CACNA2D1: variants seen among roughly 807,000 people sequenced by gnomAD.
CACNA2D1 encodes calcium voltage-gated channel auxiliary subunit alpha2delta 1.
Under a neutral mutation model 171.5 loss-of-function variants are expected in CACNA2D1, and 53 were observed. The observed-to-expected ratio is 0.31, with a 90% CI of 0.25 to 0.39. The LOEUF is 0.39. CACNA2D1 is among the 10% of genes least tolerant of loss of function. The pLI, the probability that CACNA2D1 is intolerant of heterozygous loss-of-function variation, is 1.00. For synonymous variants in CACNA2D1, 442 were observed against 443.1 expected (o/e 1.00, Z 0.03); for missense variants, 903 against 1,299.8 (o/e 0.69, Z 4.69).
chr7:82,214,442 G>T (rs1165297206), intron 3 of CACNA2D1, among the ~76,000 whole-genome samples: 1 of 147,450 alleles, frequency 6.8e-6, no homozygotes, highest in Non-Finnish European at 1.5e-5. Flanking sequence ...TGCGCAAGGT[G>T]GCTTTTTTTT....
At chr7:82,286,359 G>A (rs1035369067) in intron 3 of CACNA2D1, among the ~76,000 whole-genome samples, 1 of 151,980 alleles carries the variant, frequency 6.6e-6, no homozygotes, top group Non-Finnish European at 1.5e-5. Context: ...AAAAGAAACA[G>A]ATTTATAATC....
chr7:82,183,371 G>A (rs1404468654), intron 3 of CACNA2D1, among the ~76,000 whole-genome samples: 1 of 152,030 alleles, frequency 6.6e-6, no homozygotes, highest in African/African-American at 2.4e-5. Flanking sequence ...AGAAAATGCA[G>A]TACTGTCCCA....
chr7:82,080,479 A>G (rs1809611049), intron 7 of CACNA2D1, among the ~76,000 whole-genome samples: 1 of 152,200 alleles, frequency 6.6e-6, no homozygotes, highest in Non-Finnish European at 1.5e-5. Flanking sequence ...CAAATATAGA[A>G]ACTGAAAGCC....
At chr7:82,175,235 A>G (rs1304763181) in intron 3 of CACNA2D1, among the ~76,000 whole-genome samples, 9 of 151,982 alleles carry the variant, frequency 5.9e-5, no homozygotes, top group Non-Finnish European at 1.3e-4. Context: ...TAATGTTGGT[A>G]CTCTTGTTTA....
chr7:82,187,829 G>A (rs976005300), intron 3 of CACNA2D1, among the ~76,000 whole-genome samples: 1 of 152,082 alleles, frequency 6.6e-6, no homozygotes, highest in Non-Finnish European at 1.5e-5. Flanking sequence ...CTCCAGTTCT[G>A]GAGACTGGGA....
At chr7:82,391,194 A>G (rs1011211608) in intron 1 of CACNA2D1, among the ~76,000 whole-genome samples, 2 of 152,212 alleles carry the variant, frequency 1.3e-5, no homozygotes, top group African/African-American at 4.8e-5. Context: ...CAGAAAGCAC[A>G]GAGTACCAAG....
At chr7:82,361,839 A>G (rs1280064961) in intron 1 of CACNA2D1, among the ~76,000 whole-genome samples, 1 of 152,198 alleles carries the variant, frequency 6.6e-6, no homozygotes, top group Non-Finnish European at 1.5e-5. Context: ...AGTTTTAGCT[A>G]TATTCTCTCT....
Position 81,959,359 on chromosome 7 carries a change from TAA to T in CACNA2D1, c.3077-4_3077-3del, listed in dbSNP as rs773360358. 4.4e-6 allele frequency: 7 copies of T among 1,597,436 alleles called. No homozygotes were observed. Among genetic ancestry groups the T allele is most frequent in the East Asian group, 2.2e-5 (1 of 44,766 alleles). ...TGTCACAAGGATTTGGACCGTCAGC[TAA>T]AAGAGACTTGTTAAGGAATCTCATG... On this transcript the variant is annotated splice_region_variant and splice_polypyrimidine_tract_variant and intron_variant, in intron 37 of 38. Coordinates refer to ENST00000356860, the MANE Select transcript of CACNA2D1 (RefSeq NM_000722.4).
At chr7:82,172,653 G>T (rs1262115577) in intron 3 of CACNA2D1, among the ~76,000 whole-genome samples, 1 of 127,378 alleles carries the variant, frequency 7.9e-6, no homozygotes, top group Non-Finnish European at 1.6e-5. Context: ...TAAAGATGGG[G>T]TCTCAAACTC....
At chr7:82,426,860 C>A (rs993191621) in intron 1 of CACNA2D1, among the ~76,000 whole-genome samples, 1 of 152,126 alleles carries the variant, frequency 6.6e-6, no homozygotes, top group African/African-American at 2.4e-5. Context: ...GTTTCAGTTA[C>A]CCGCAGTCGA....
At position 82,034,868 on chromosome 7, in the gene CACNA2D1, A is replaced by T. The variant is rs572325001; in HGVS notation, c.1039-1967T>A. Among the ~76,000 whole-genome samples the T allele has an allele frequency of 3.9e-4, 59 of 152,188 alleles. No homozygotes were observed. In the Middle Eastern group the frequency reaches 0.017, roughly 44 times the overall value. On this transcript the variant is annotated intron_variant, in intron 11 of 38. Coordinates refer to ENST00000356860, the MANE Select transcript of CACNA2D1 (RefSeq NM_000722.4). The stretch of plus-strand genomic sequence containing the variant: ...TATAACAACATTTCCCGAGAGAGAG[A>T]TGTTAGGGCATACACAAAAGAAGGA...
chr7:82,194,269 G>A (rs1011438339), intron 3 of CACNA2D1, among the ~76,000 whole-genome samples: 10 of 151,856 alleles, frequency 6.6e-5, no homozygotes, highest in Non-Finnish European at 1.3e-4. Flanking sequence ...CAAGAGCTCC[G>A]GTGACTGTCT....
At position 82,117,087 on chromosome 7, in the gene CACNA2D1, A is replaced by G. The variant is rs1789143161; in HGVS notation, c.483T>C (p.Tyr161=). ...EDANFGRQIS[Y]QHAAVHIPTD... is the part of the protein sequence containing the mutation. The stretch of plus-strand genomic sequence containing the variant: ...TAGGAATATGGACTGCTGCGTGCTG[A>G]TAAGATATTTGTCGTCCAAAATTAG... The change falls in exon 6 of 39, where the codon TAT becomes TAC. Residue 161 remains tyrosine, a synonymous_variant. Coordinates refer to ENST00000356860, the MANE Select transcript of CACNA2D1 (RefSeq NM_000722.4). 2.5e-6 allele frequency: 4 copies of G among 1,613,792 alleles called. No homozygotes were observed. The South Asian group carries it at 3.3e-5, about 13-fold the overall frequency.
intron 1 of CACNA2D1, among the ~76,000 whole-genome samples, chr7:82,441,403 T>C (rs1340796898): frequency 6.6e-6 from 1 of 152,118 alleles, no homozygotes; most frequent in Non-Finnish European, 1.5e-5. Flanking sequence ...CAATGTCTTA[T>C]ATAATTTGAA....
intron 1 of CACNA2D1, among the ~76,000 whole-genome samples, chr7:82,441,045 T>C (rs1269525524): frequency 6.6e-6 from 1 of 151,996 alleles, no homozygotes; most frequent in Non-Finnish European, 1.5e-5. Context: ...TTGCCTTTAT[T>C]GACACTACAG....
rs183292228 is a variant in CACNA2D1 at position 81,972,704 on chromosome 7, T to A, written c.2054-840A>T. 1.4e-4 allele frequency among the ~76,000 whole-genome samples: 22 copies of A among 152,018 alleles called. No individual in the cohort carries two copies. The Middle Eastern group carries it at 0.02, about 141-fold the overall frequency. On this transcript the variant is annotated intron_variant, in intron 25 of 38. Transcript: ENST00000356860. Reference sequence around the variant, plus strand: ...ATTCTCCTTGTTCCTCTAAACCCATTAAGCTCTGAAATACCCTAACAGGTA... The same window carrying A: ...ATTCTCCTTGTTCCTCTAAACCCATAAAGCTCTGAAATACCCTAACAGGTA...
Position 82,224,039 on chromosome 7 carries a change from A to T in CACNA2D1, c.295-53430T>A, listed in dbSNP as rs540826179. On this transcript the variant is annotated intron_variant, in intron 3 of 38. Coordinates refer to ENST00000356860, the MANE Select transcript of CACNA2D1 (RefSeq NM_000722.4). ...CCTTGCCTGGAACGTGCTTCCCTTC[A>T]CTTTCATTACTTTAGGCCTCTGCTC... is the stretch of plus-strand genomic sequence containing the variant. Among the ~76,000 whole-genome samples, 223 of 151,950 alleles carry T rather than the reference A, an allele frequency of 1.5e-3. 2 individuals carry two copies. Among genetic ancestry groups the T allele is most frequent in the African/African-American group, 5.2e-3 (214 of 41,416 alleles).
chr7:82,156,820 T>C (rs1255476376), intron 4 of CACNA2D1, among the ~76,000 whole-genome samples: 1 of 152,102 alleles, frequency 6.6e-6, no homozygotes, highest in African/African-American at 2.4e-5. Flanking sequence ...ATAAATGCAT[T>C]ATTAATCTGT....
chr7:82,118,354 T>C (rs1406949576), intron 5 of CACNA2D1, among the ~76,000 whole-genome samples: 3 of 149,292 alleles, frequency 2.0e-5, no homozygotes, highest in African/African-American at 7.3e-5. Flanking sequence ...AACTCTACCC[T>C]AACTGTATTT....
Sources: gnomAD v4.1 joint callset for allele counts (sites outside exome capture counted in the v4.1 genomes callset) on GRCh38, gnomAD v4.1.1 for gene constraint, MANE v1.5 for transcripts, NCBI Gene and HGNC (gene_info 2026-07-23, HGNC 2026-07-21) for gene names.